Variants in ISCA1 observed in about 807,000 individuals in gnomAD.
The protein encoded by ISCA1 is iron-sulfur cluster assembly 1 homolog, mitochondrial.
In ISCA1, 9 loss-of-function variants were observed where a neutral mutation model predicts 14.7. The ratio of observed to expected loss-of-function variants is 0.61; its 90% confidence interval spans 0.37 to 1.07. The LOEUF (loss-of-function observed/expected upper bound fraction) is 1.07, where lower values mean the gene tolerates loss of function less well. Ranked by LOEUF, ISCA1 falls within the 50% of genes least tolerant of loss-of-function variation. The pLI is 0.01. For missense variants in ISCA1, 102 were observed against 150.1 expected (o/e 0.68, Z 1.67); for synonymous variants, 38 against 54.3 (o/e 0.70, Z 1.32).
At chr9:86,277,938 T>G (rs1291505043) in intron 1 of ISCA1, among the ~76,000 whole-genome samples, 3 of 152,248 alleles carry the variant, frequency 2.0e-5, no homozygotes, top group African/African-American at 7.2e-5. Flanking sequence ...GCATTGTAGA[T>G]GAATGTTTTA....
intron 2 of ISCA1, among the ~76,000 whole-genome samples, chr9:86,273,580 G>A (rs1430318384): frequency 6.6e-6 from 1 of 152,150 alleles, no homozygotes; most frequent in Admixed American, 6.5e-5. Context: ...CCATTATTAA[G>A]GGTAAAAAGC....
In ISCA1 at chr9:86,265,015, T is replaced by G. The variant is rs1178479523; in HGVS notation, c.*1028A>C. 6.6e-6 allele frequency: 1 copy of G among 152,216 alleles called. No individual in the cohort carries two copies. Among genetic ancestry groups the G allele is most frequent in the Non-Finnish European group, 1.5e-5 (1 of 68,038 alleles). 9.4% of individuals were successfully genotyped at this position (152,216 alleles called of 1,614,324 possible). ...CACATTCCAAAAGCATAATTCTGGG[T>G]TGCTACAATGTCATCTCTGCTACAA... On this transcript the variant is annotated 3_prime_UTR_variant, in exon 4 of 4. Transcript: ENST00000375991.
intron 3 of ISCA1, among the ~76,000 whole-genome samples, chr9:86,267,975 A>C (rs1411174673): frequency 1.3e-5 from 2 of 152,126 alleles, no homozygotes; most frequent in Non-Finnish European, 2.9e-5. Flanking sequence ...CTATACTGCC[A>C]GTCATATAAA....
chr9:86,282,486 C>T lies in ISCA1; in HGVS notation c.-28G>A, dbSNP rs1228160011. On this transcript the variant is annotated 5_prime_UTR_variant, in exon 1 of 4. Coordinates refer to ENST00000375991, the MANE Select transcript of ISCA1 (RefSeq NM_030940.4). The stretch of plus-strand genomic sequence containing the variant: ...TCGCCGTCCCGGCGCCCCGGTGCCT[C>T]GGGCCGAAGGTCGGCCGCCTCAGCT... 6.5e-7 allele frequency: 1 copy of T among 1,550,358 alleles called. No individual in the cohort carries two copies. Among genetic ancestry groups the T allele is most frequent in the Non-Finnish European group, 8.7e-7 (1 of 1,146,932 alleles).
At chr9:86,279,797 T>C (rs557111073) in intron 1 of ISCA1, among the ~76,000 whole-genome samples, 2 of 152,346 alleles carry the variant, frequency 1.3e-5, no homozygotes, top group East Asian at 3.9e-4. Flanking sequence ...ACTTTTGCAC[T>C]TGACGATACA....
At chr9:86,271,973 C>T (rs1469970105) in intron 3 of ISCA1, 34 bp downstream of exon 3, 1 of 1,257,626 alleles carries the variant, frequency 8.0e-7, no homozygotes, top group Non-Finnish European at 1.2e-6. Context: ...TTAGGCAAAA[C>T]AATGTGCCCA....
chr9:86,266,080 T>A lies in ISCA1; in HGVS notation c.353A>T (p.Lys118Ile). 1 of 1,612,726 alleles carries A rather than the reference T, an allele frequency of 6.2e-7. No individual in the cohort carries two copies. Among genetic ancestry groups the A allele is most frequent in the Non-Finnish European group, 8.5e-7 (1 of 1,179,764 alleles). ...GCTTTCTCCACAGCCACAAGTCCCT[T>A]TGATGTTTGGGTTATTGAACACAAA... ...SEFVFNNPNI[K>I]GTCGCGESFN... is the part of the protein sequence containing the mutation. The change falls in exon 4 of 4, where the codon AAA becomes ATA. Residue 118 changes from lysine (K) to isoleucine (I), a missense_variant. Transcript: ENST00000375991.
intron 3 of ISCA1, chr9:86,267,396 AT>A (rs1825303983): frequency 1.1e-6 from 1 of 895,478 alleles, no homozygotes; most frequent in African/African-American, 1.8e-5. Context: ...AAAGGTCTTT[AT>A]TGATAGTTAT....
At chr9:86,282,240 T>G in intron 1 of ISCA1, 138 bp downstream of exon 1, 2 of 902,574 alleles carry the variant, frequency 2.2e-6, no homozygotes, top group South Asian at 1.8e-5. Flanking sequence ...GCGGCGAGGC[T>G]GTGCGGCGGG....
rs143975387 is a variant in ISCA1, at chr9:86,267,131, G to A, written c.242-940C>T. ...TCCCAGCTACTCGGGAGGCTGAGGTGGGAGGACTGCTTGAGCCCGGGAGAC... is the reference window on the plus strand; with the variant it reads ...TCCCAGCTACTCGGGAGGCTGAGGTAGGAGGACTGCTTGAGCCCGGGAGAC... On this transcript the variant is annotated intron_variant, in intron 3 of 3. Transcript: ENST00000375991. 3.2e-3 allele frequency: 530 copies of A among 165,498 alleles called. 10 individuals are homozygous for A. The East Asian group carries it at 0.047, about 15-fold the overall frequency. 10.3% of individuals were successfully genotyped at this position (165,498 alleles called of 1,614,324 possible).
chr9:86,276,870 CA>C (rs35460722), intron 1 of ISCA1, among the ~76,000 whole-genome samples: 1,200 of 39,740 alleles, frequency 0.03, 50 homozygotes, highest in African/African-American at 0.09. Context: ...GACTCTGTCT[CA>C]AAAAAAAAAA....
intron 3 of ISCA1, among the ~76,000 whole-genome samples, 167 bp downstream of exon 3, chr9:86,271,840 G>A (rs1055574455): frequency 9.9e-5 from 15 of 152,124 alleles, no homozygotes; most frequent in African/African-American, 3.1e-4. Flanking sequence ...ATTCAGCATT[G>A]TGTATAAATC....
rs774019333 is a variant in ISCA1, at chr9:86,282,527, G to A, written c.-69C>T. The A allele has an allele frequency of 5.7e-5, 89 of 1,549,438 alleles. 2 individuals are homozygous for A. The South Asian group carries it at 8.9e-4, about 16-fold the overall frequency. On this transcript the variant is annotated 5_prime_UTR_variant, in exon 1 of 4. Transcript: ENST00000375991. ...CGCCTCAGCTTCTCTCCATGGACAC[G>A]GCGGGCGCATTGACGCCACAAGCTT... is the stretch of plus-strand genomic sequence containing the variant.
chr9:86,267,554 G>C, intron 3 of ISCA1: 1 of 945,318 alleles, frequency 1.1e-6, no homozygotes, highest in Non-Finnish European at 1.3e-6. Context: ...GTGGAAGAAG[G>C]GGGCAGCAGC....
At chr9:86,277,939 G>T (rs566518383) in intron 1 of ISCA1, among the ~76,000 whole-genome samples, 137 of 152,332 alleles carry the variant, frequency 9.0e-4, no homozygotes, top group Non-Finnish European at 1.7e-3. Flanking sequence ...CATTGTAGAT[G>T]AATGTTTTAT....
In ISCA1 at chr9:86,265,943, A is replaced by C. The variant is rs1218196800; in HGVS notation, c.*100T>G. ...ACTGGATTCATTTTCAAGATGTATC[A>C]CTTTATTTTCCAGCACGTGACAGTC... On this transcript the variant is annotated 3_prime_UTR_variant, in exon 4 of 4. Transcript: ENST00000375991. The C allele has an allele frequency of 1.3e-6, 2 of 1,506,928 alleles. No individual in the cohort carries two copies. The highest frequency in any genetic ancestry group is 1.4e-5 in the African/African-American group (1 of 72,890). The allele number at this position is 1,506,928 out of a possible 1,614,324, so 93.3% of individuals were successfully genotyped here.
intron 3 of ISCA1, chr9:86,267,526 G>A: frequency 2.1e-6 from 2 of 973,976 alleles, no homozygotes; most frequent in Non-Finnish European, 2.4e-6. Flanking sequence ...TTTTAGATAG[G>A]TTTTAACAGA....
chr9:86,282,216 C>G lies in ISCA1; in HGVS notation c.81+162G>C. On this transcript the variant is annotated intron_variant, in intron 1 of 3. Transcript: ENST00000375991. ...CTTGTTTATCGTTGCAAAGAGGGGC[C>G]GGAGGCGAAGGAGGCGGCGAGGCTG... 9.8e-6 allele frequency: 7 copies of G among 714,608 alleles called. No homozygotes were observed. In the South Asian group the frequency reaches 1.4e-4, roughly 14 times the overall value. 44.3% of individuals were successfully genotyped at this position (714,608 alleles called of 1,614,324 possible).
Position 86,266,079 on chromosome 9 carries a change from T to C in ISCA1, c.354A>G (p.Lys118=), listed in dbSNP as rs1213507309. 2 of 1,612,712 alleles carry C rather than the reference T, an allele frequency of 1.2e-6. No homozygotes were observed. Among genetic ancestry groups the C allele is most frequent in the South Asian group, 1.1e-5 (1 of 90,928 alleles). Residue 118 remains lysine (K), a synonymous_variant, in exon 4 of 4, where the codon AAA becomes AAG. Transcript: ENST00000375991. ...SEFVFNNPNI[K]GTCGCGESFN... is the part of the protein sequence containing the mutation. ...AGCTTTCTCCACAGCCACAAGTCCCTTTGATGTTTGGGTTATTGAACACAA... is the reference window on the plus strand; with the variant it reads ...AGCTTTCTCCACAGCCACAAGTCCCCTTGATGTTTGGGTTATTGAACACAA...
Sources: allele counts gnomAD v4.1 joint callset (sites outside exome capture counted in the v4.1 genomes callset), GRCh38; gene constraint gnomAD v4.1.1; transcripts MANE v1.5; gene names NCBI Gene and HGNC (gene_info 2026-07-23, HGNC 2026-07-21).